MUS81: variants seen among roughly 807,000 people sequenced by gnomAD.
The protein encoded by MUS81 is MUS81 structure-specific endonuclease subunit, also known as structure-specific endonuclease subunit MUS81.
In MUS81, 69 loss-of-function variants were observed where a neutral mutation model predicts 74.2. The observed-to-expected ratio is 0.93, with a 90% CI of 0.77 to 1.14. The LOEUF (loss-of-function observed/expected upper bound fraction) is 1.14, where lower values mean the gene tolerates loss of function less well. Ranked by LOEUF, MUS81 falls within the 50% of genes most tolerant of loss-of-function variation. The probability of loss-of-function intolerance (pLI) is 0.00; values close to 1 mark genes in which losing one functional copy is unlikely to be tolerated. For missense variants in MUS81, 711 were observed against 726.5 expected, an observed-to-expected ratio of 0.98 and a Z score of 0.25; for synonymous variants, 303 against 300.6, an observed-to-expected ratio of 1.01 and a Z score of -0.08.
At chr11:65,864,865 C>A in intron 12 of MUS81, 50 bp downstream of exon 12, 1 of 1,588,698 alleles carries the variant, frequency 6.3e-7, no homozygotes, top group South Asian at 1.1e-5. Context: ...ACAAGGAATT[C>A]ACCTTGCCTG....
At position 65,865,153 on chromosome 11, in the gene MUS81, C is replaced by T; in HGVS notation, c.1401+8C>T. ...GGAGCCATCAAGAATAAGGTACTGT[C>T]TCTGCCTAGCTTCTCAGACATGGCC... On this transcript the variant is annotated splice_region_variant and intron_variant, in intron 13 of 15. Coordinates refer to ENST00000308110, the MANE Select transcript of MUS81 (RefSeq NM_025128.5). The T allele has an allele frequency of 1.2e-6, 2 of 1,614,222 alleles. No homozygotes were observed. Among genetic ancestry groups the T allele is most frequent in the African/African-American group, 1.3e-5 (1 of 75,064 alleles).
intron 3 of MUS81, chr11:65,861,720 A>G: frequency 3.3e-6 from 2 of 606,296 alleles, no homozygotes; most frequent in South Asian, 4.1e-5. Flanking sequence ...CCTGCAGCGC[A>G]TGGTAGAAGT....
At chr11:65,866,832 C>T, downstream of MUS81, 1 of 1,543,108 alleles carries the variant, frequency 6.5e-7, no homozygotes. Flanking sequence ...GACTTTCTTT[C>T]TCCCTTTATT....
Position 65,863,509 on chromosome 11 carries a change from G to T in MUS81, c.839+7G>T. On this transcript the variant is annotated splice_region_variant and intron_variant, in intron 8 of 15. Coordinates refer to ENST00000308110, the MANE Select transcript of MUS81 (RefSeq NM_025128.5). The stretch of plus-strand genomic sequence containing the variant: ...ACATTGGCGAGACCCGGGGGTGAGT[G>T]AGGTGGGGAGAAACGAGGGAGATGA... The T allele has an allele frequency of 6.2e-7, 1 of 1,614,178 alleles. No homozygotes were observed. Among genetic ancestry groups the T allele is most frequent in the South Asian group, 1.1e-5 (1 of 91,086 alleles).
chr11:65,862,639 G>T, intron 6 of MUS81, 110 bp downstream of exon 6: 1 of 1,038,308 alleles, frequency 9.6e-7, no homozygotes, highest in Non-Finnish European at 1.4e-6. Flanking sequence ...GGGGGGGTGG[G>T]CCTTTCCTCA....
At chr11:65,867,088 C>T (rs1859863903), downstream of MUS81, 3 of 1,613,930 alleles carry the variant, frequency 1.9e-6, no homozygotes, top group African/African-American at 1.3e-5. Context: ...TGCTGCAGGG[C>T]AGTGGGTGGG....
downstream of MUS81, chr11:65,866,571 C>T (rs1043485): frequency 2.8e-6 from 2 of 702,870 alleles, no homozygotes; most frequent in East Asian, 5.4e-5. Flanking sequence ...AGTGGAGTTT[C>T]TTAGGACCCC....
At position 65,863,897 on chromosome 11, in the gene MUS81, A is replaced by G. The variant is rs1198789024; in HGVS notation, c.1055A>G (p.Gln352Arg). ...SSIIDGRFRE[Q>R]KFRLKRCGLE... ...ATCATCGACGGCCGCTTCCGGGAGC[A>G]GAAGGTAATTTTGCTGGCTTTGCCA... Residue 352 changes from glutamine to arginine, a missense_variant, in exon 10 of 16, where the codon CAG (glutamine) becomes CGG (arginine). By Grantham distance (43) the Gln-to-Arg change is conservative. Transcript: ENST00000308110. The G allele has an allele frequency of 1.2e-6, 2 of 1,614,004 alleles. No individual in the cohort carries two copies. Among genetic ancestry groups the G allele is most frequent in the South Asian group, 1.1e-5 (1 of 91,090 alleles).
chr11:65,861,492 C>T, intron 3 of MUS81, 57 bp downstream of exon 3: 2 of 1,481,890 alleles, frequency 1.3e-6, no homozygotes, highest in South Asian at 1.2e-5. Context: ...GTATGATTTT[C>T]TGGCTTGGGG....
In MUS81 at chr11:65,865,149, C is replaced by A. The variant is rs773172271; in HGVS notation, c.1401+4C>A. ...CGCAGGAGCCATCAAGAATAAGGTA[C>A]TGTCTCTGCCTAGCTTCTCAGACAT... On this transcript the variant is annotated splice_donor_region_variant and intron_variant, in intron 13 of 15. Transcript: ENST00000308110. The A allele has an allele frequency of 6.2e-7, 1 of 1,614,238 alleles. No homozygotes were observed.
rs532651880 is a variant in MUS81, at chr11:65,862,182, C to CT, written c.451-28dup. 76 of 1,610,794 alleles carry CT rather than the reference C, an allele frequency of 4.7e-5. No homozygotes were observed. In the African/African-American group the frequency reaches 8.9e-4, roughly 19 times the overall value. The stretch of plus-strand genomic sequence containing the variant: ...ATGAGGAGGGGCCCTGGCACTGAGC[C>CT]TACCCTGTCTTTTCTACCTTGGTTT... On this transcript the variant is annotated intron_variant, in intron 4 of 15. Coordinates refer to ENST00000308110, the MANE Select transcript of MUS81 (RefSeq NM_025128.5).
intron 14 of MUS81, 103 bp from the exon 15 acceptor site, chr11:65,865,708 C>T (rs765951616): frequency 8.7e-5 from 104 of 1,193,648 alleles, no homozygotes; most frequent in Middle Eastern, 8.5e-4. Flanking sequence ...GGGGCAGTGT[C>T]CCAACTCTTC....
At chr11:65,863,263 C>A in intron 7 of MUS81, 58 bp downstream of exon 7, 1 of 1,581,770 alleles carries the variant, frequency 6.3e-7, no homozygotes. Context: ...GAAATGAGGC[C>A]AAAGCCCCGC....
chr11:65,866,596 G>A, downstream of MUS81: 1 of 702,936 alleles, frequency 1.4e-6, no homozygotes, highest in Non-Finnish European at 2.6e-6. Flanking sequence ...AGCCAGCCAA[G>A]TCCAAATCTC....
chr11:65,865,865 G>A lies in MUS81; in HGVS notation c.1560G>A (p.Leu520=), dbSNP rs772543118. 1.2e-6 allele frequency: 2 copies of A among 1,614,180 alleles called. No homozygotes were observed. Among genetic ancestry groups the A allele is most frequent in the East Asian group, 2.2e-5 (1 of 44,890 alleles). The change falls in exon 15 of 16, where the codon CTG becomes CTA. Residue 520 remains leucine, a synonymous_variant. Coordinates refer to ENST00000308110, the MANE Select transcript of MUS81 (RefSeq NM_025128.5). ...CATPKEQETL[L]STIKCGRLQR... ...CCCCCAAGGAACAAGAGACACTGCT[G>A]AGCACCATTAAGTGTGGGCGTCTAC...
At chr11:65,865,632 A>G in intron 14 of MUS81, 179 bp from the exon 15 acceptor site, 1 of 686,934 alleles carries the variant, frequency 1.5e-6, no homozygotes, top group Non-Finnish European at 2.4e-6. Context: ...GTTTTGCCCC[A>G]GAGTTCCCAC....
chr11:65,860,714 C>G lies in MUS81; in HGVS notation c.-40C>G, dbSNP rs746213039. The G allele has an allele frequency of 6.9e-5, 106 of 1,532,674 alleles. No homozygotes were observed. The African/African-American group carries it at 1.1e-3, about 16-fold the overall frequency. 94.9% of individuals were successfully genotyped at this position (1,532,674 alleles called of 1,614,324 possible). Reference sequence around the variant, plus strand: ...ACTCCAGAACTGGCGGCGTCCCAGTCCCGCGGGCGTGGAGCGCCGGAGGAC... The same window carrying G: ...ACTCCAGAACTGGCGGCGTCCCAGTGCCGCGGGCGTGGAGCGCCGGAGGAC... On this transcript the variant is annotated 5_prime_UTR_variant, in exon 1 of 16. Coordinates refer to ENST00000308110, the MANE Select transcript of MUS81 (RefSeq NM_025128.5).
rs1859680668 is a variant in MUS81, at chr11:65,863,213, G to A, written c.746+8G>A. ...AGCAGCTTCAGCAGAGCTGTGAGGAGGAGGGCAGAGGAGTGGGGAAAACAG... is the reference window on the plus strand; with the variant it reads ...AGCAGCTTCAGCAGAGCTGTGAGGAAGAGGGCAGAGGAGTGGGGAAAACAG... On this transcript the variant is annotated splice_region_variant and intron_variant, in intron 7 of 15. Coordinates refer to ENST00000308110, the MANE Select transcript of MUS81 (RefSeq NM_025128.5). 2 of 1,607,542 alleles carry A rather than the reference G, an allele frequency of 1.2e-6. No homozygotes were observed. The highest frequency in any genetic ancestry group is 1.7e-5 in the Admixed American group (1 of 59,632).
rs755500525 is a variant in MUS81 at position 65,863,016 on chromosome 11, C to T, written c.606-49C>T. The T allele has an allele frequency of 1.1e-5, 18 of 1,612,234 alleles. No individual in the cohort carries two copies. In the East Asian group the frequency reaches 3.8e-4, roughly 34 times the overall value. ...GCTGGGGGCAGGCAGGAAAGCCTGCCAGGAATGAGTGAAGAAGGTAGAGCT... is the reference window on the plus strand; with the variant it reads ...GCTGGGGGCAGGCAGGAAAGCCTGCTAGGAATGAGTGAAGAAGGTAGAGCT... On this transcript the variant is annotated intron_variant, in intron 6 of 15. Transcript: ENST00000308110.
Sources: gnomAD v4.1 joint callset for allele counts on GRCh38, gnomAD v4.1.1 for gene constraint, MANE v1.5 for transcripts, NCBI Gene and HGNC (gene_info 2026-07-23, HGNC 2026-07-21) for gene names.